The following PDCD1 variants were observed in gnomAD, a reference collection of about 807,000 sequenced individuals.
PDCD1 encodes the protein programmed cell death 1.
A neutral mutation model predicts 23.6 loss-of-function variants in PDCD1; 10 were observed. The ratio of observed to expected loss-of-function variants is 0.42; its 90% CI spans 0.26 to 0.72. PDCD1 has a LOEUF of 0.72. Ranked by LOEUF, PDCD1 falls within the 30% of genes least tolerant of loss-of-function variation. The pLI is 0.24. For missense variants in PDCD1, 313 were observed against 397.8 expected (o/e 0.79, Z 1.81); for synonymous variants, 168 against 169.3 (o/e 0.99, Z 0.06).
intron 1 of PDCD1, among the ~76,000 whole-genome samples, chr2:241,854,085 G>A (rs574114907): frequency 3.3e-5 from 5 of 152,348 alleles, no homozygotes; most frequent in African/African-American, 9.6e-5. Flanking sequence ...GGCCCACGGC[G>A]TGCTGGCTGG....
At chr2:241,853,020 C>T (rs747760384) in intron 1 of PDCD1, 40 bp from the exon 2 acceptor site, 1 of 1,523,952 alleles carries the variant, frequency 6.6e-7, no homozygotes, top group Non-Finnish European at 8.8e-7. Context: ...CTGGGTGGCC[C>T]CACAAAGCCT....
In PDCD1 at chr2:241,852,090, T is replaced by C. The variant is rs914480078; in HGVS notation, c.593-107A>G. 1.4e-5 allele frequency: 3 copies of C among 221,174 alleles called. No homozygotes were observed. The East Asian group carries it at 8.6e-4, about 64-fold the overall frequency. The allele number at this position is 221,174 out of a possible 1,614,324, so 13.7% of individuals were successfully genotyped here. ...TCAGGGACTTAGCCTGGCGGGGAGA[T>C]GGGGGGAGGTGGGGTGGGGTGAGGG... On this transcript the variant is annotated intron_variant, in intron 3 of 4. Transcript: ENST00000334409.
intron 1 of PDCD1, among the ~76,000 whole-genome samples, chr2:241,855,120 C>A (rs1216798356): frequency 6.6e-6 from 1 of 152,154 alleles, no homozygotes; most frequent in Non-Finnish European, 1.5e-5. Context: ...CTGTTCCGCC[C>A]CCCCCAACCC....
chr2:241,852,835 G>A lies in PDCD1; in HGVS notation c.222C>T (p.Asn74=), dbSNP rs1244773804. ...VLNWYRMSPS[N]QTDKLAAFPE... Reference sequence around the variant, plus strand: ...GGAAGGCGGCCAGCTTGTCCGTCTGGTTGCTGGGGCTCATGCGGTACCAGT... The same window carrying A: ...GGAAGGCGGCCAGCTTGTCCGTCTGATTGCTGGGGCTCATGCGGTACCAGT... Residue 74 remains asparagine, a synonymous_variant, in exon 2 of 5, where the codon AAC becomes AAT. Transcript: ENST00000334409. The A allele has an allele frequency of 1.2e-6, 2 of 1,610,998 alleles. No homozygotes were observed. The highest frequency in any genetic ancestry group is 1.7e-6 in the Non-Finnish European group (2 of 1,179,996).
chr2:241,855,695 G>C (rs74000560), intron 1 of PDCD1, among the ~76,000 whole-genome samples: 1 of 152,158 alleles, frequency 6.6e-6, no homozygotes, highest in Non-Finnish European at 1.5e-5. Context: ...TGCCCCGGGC[G>C]GAGGAACCTG....
chr2:241,855,118 C>CT (rs1700992749), intron 1 of PDCD1, among the ~76,000 whole-genome samples: 1 of 149,966 alleles, frequency 6.7e-6, no homozygotes, highest in East Asian at 2.0e-4. Context: ...TCCTGTTCCG[C>CT]CCCCCCCAAC....
intron 4 of PDCD1, 37 bp downstream of exon 4, chr2:241,851,912 G>A (rs746597658): frequency 6.2e-7 from 1 of 1,606,434 alleles, no homozygotes; most frequent in South Asian, 1.1e-5. Flanking sequence ...CAGGAAGGAA[G>A]GCACAGTGGA....
chr2:241,855,155 G>C (rs868146867), intron 1 of PDCD1, among the ~76,000 whole-genome samples: 1 of 151,980 alleles, frequency 6.6e-6, no homozygotes, highest in African/African-American at 2.4e-5. Context: ...CCACCCCGGG[G>C]AGCAGGTCCA....
rs41349848 is a variant in PDCD1, at chr2:241,852,038, T to TG, written c.593-56dup. 11,529 of 1,253,364 alleles carry TG rather than the reference T, an allele frequency of 9.2e-3. 796 individuals are homozygous for TG. The African/African-American group carries it at 0.19, about 21-fold the overall frequency. 77.6% of individuals were successfully genotyped at this position (1,253,364 alleles called of 1,614,324 possible). On this transcript the variant is annotated intron_variant, in intron 3 of 4. Transcript: ENST00000334409. The stretch of plus-strand genomic sequence containing the variant: ...GCCGACCCTGAGCCGTGCTCCTAGG[T>TG]GGGGGGTCTTAGTCCAGGGGCCTTC...
intron 1 of PDCD1, among the ~76,000 whole-genome samples, chr2:241,854,490 G>A (rs1485268689): frequency 6.6e-6 from 1 of 152,196 alleles, no homozygotes; most frequent in Admixed American, 6.5e-5. Context: ...GTGGGGTAGT[G>A]TGACTCTCAG....
Position 241,851,280 on chromosome 2 carries a change from G to A in PDCD1, c.645C>T (p.Ala215=), listed in dbSNP as rs867239352. ...CATAGTCCACAGAGAACACAGGCAC[G>A]GCTGAGGGGTCCTCCTTCTTTGAGG... ...TGQPLKEDPS[A]VPVFSVDYGE... is the part of the protein sequence containing the mutation. The change falls in exon 5 of 5, where the codon GCC becomes GCT. Residue 215 remains alanine, a synonymous_variant. Transcript: ENST00000334409. 24 of 1,610,402 alleles carry A rather than the reference G, an allele frequency of 1.5e-5. 1 individual carries two copies. The Middle Eastern group carries it at 9.9e-4, about 67-fold the overall frequency.
intron 1 of PDCD1, among the ~76,000 whole-genome samples, chr2:241,855,073 C>T (rs1156321140): frequency 1.3e-5 from 2 of 152,218 alleles, no homozygotes; most frequent in East Asian, 3.9e-4. Context: ...TTGCACCAGC[C>T]CTCAGCCACT....
chr2:241,856,766 G>A (rs1052755222), intron 1 of PDCD1, among the ~76,000 whole-genome samples: 6 of 151,766 alleles, frequency 4.0e-5, no homozygotes, highest in Admixed American at 2.6e-4. Context: ...CGAGTGAGCC[G>A]AGATCACACC....
chr2:241,858,424 C>A (rs951599025), intron 1 of PDCD1, among the ~76,000 whole-genome samples: 1 of 152,174 alleles, frequency 6.6e-6, no homozygotes, highest in Non-Finnish European at 1.5e-5. Flanking sequence ...CCCCAAGGAC[C>A]GGCTGAGAGG....
chr2:241,858,164 C>G (rs1701067826), intron 1 of PDCD1, among the ~76,000 whole-genome samples: 1 of 152,194 alleles, frequency 6.6e-6, no homozygotes, highest in Admixed American at 6.5e-5. Context: ...CAGGAGGGAT[C>G]CTGGAGACAG....
intron 1 of PDCD1, among the ~76,000 whole-genome samples, chr2:241,856,475 A>T (rs1191567140): frequency 3.9e-5 from 6 of 152,174 alleles, no homozygotes; most frequent in African/African-American, 1.4e-4. Context: ...GTTTTTGTAT[A>T]TTTTTCAAAA....
intron 1 of PDCD1, among the ~76,000 whole-genome samples, chr2:241,853,629 G>C (rs1700954337): frequency 6.6e-6 from 1 of 152,228 alleles, no homozygotes; most frequent in Non-Finnish European, 1.5e-5. Context: ...ACAGACACGG[G>C]GCCCCCGACC....
intron 1 of PDCD1, among the ~76,000 whole-genome samples, chr2:241,853,597 T>C (rs1700953923): frequency 6.6e-6 from 1 of 152,234 alleles, no homozygotes; most frequent in Admixed American, 6.5e-5. Flanking sequence ...AGAGACGAGA[T>C]GGGCCATTGA....
Position 241,857,413 on chromosome 2 carries a change from G to A in PDCD1, c.76+1350C>T, listed in dbSNP as rs41503645. On this transcript the variant is annotated intron_variant, in intron 1 of 4. Coordinates refer to ENST00000334409, the MANE Select transcript of PDCD1 (RefSeq NM_005018.3). ...CTCTTATCTTTCCCGCCTGGGTCGG[G>A]GAGGGTGGCGTCCCGAGGGCGTGCC... Among the ~76,000 whole-genome samples, 430 of 152,318 alleles carry A rather than the reference G, an allele frequency of 2.8e-3. 1 individual carries two copies. Among genetic ancestry groups the A allele is most frequent in the African/African-American group, 0.01 (416 of 41,572 alleles).
Sources: allele counts gnomAD v4.1 joint callset (sites outside exome capture counted in the v4.1 genomes callset), GRCh38; gene constraint gnomAD v4.1.1; transcripts MANE v1.5; gene names NCBI Gene and HGNC (gene_info 2026-07-23, HGNC 2026-07-21).